The following SLCO4C1 variants were observed in gnomAD, a reference collection of about 807,000 sequenced individuals.
SLCO4C1 encodes the protein organic anion transporter M1.
SLCO4C1 carries 58 observed loss-of-function variants against 72.1 expected under a neutral mutation model. The observed-to-expected ratio is 0.80, with a 90% CI of 0.65 to 1.00. The LOEUF (loss-of-function observed/expected upper bound fraction) is 1.00. SLCO4C1 is among the 50% of genes least tolerant of loss of function. The pLI is 0.00. For missense variants in SLCO4C1, 898 were observed against 857.9 expected (o/e 1.05, Z -0.58); for synonymous variants, 297 against 312.5 (o/e 0.95, Z 0.52).
At chr5:102,244,159 G>A (rs560848755) in intron 10 of SLCO4C1, among the ~76,000 whole-genome samples, 8 of 152,264 alleles carry the variant, frequency 5.3e-5, no homozygotes, top group African/African-American at 1.9e-4. Flanking sequence ...CTGCTCTCCA[G>A]CCTGGGCAAC....
chr5:102,249,243 C>T (rs1334484506), intron 9 of SLCO4C1, among the ~76,000 whole-genome samples: 1 of 151,944 alleles, frequency 6.6e-6, no homozygotes, highest in African/African-American at 2.4e-5. Context: ...GATGCAAAAC[C>T]CATATATACT....
intron 3 of SLCO4C1, among the ~76,000 whole-genome samples, chr5:102,269,730 G>T (rs2600835): frequency 0.75 from 114,504 of 152,014 alleles, 43,187 homozygotes; most frequent in Middle Eastern, 0.84. Context: ...ATTATTGTAT[G>T]TCTTTCAAAG....
chr5:102,285,375 C>A (rs2112396268), intron 2 of SLCO4C1, among the ~76,000 whole-genome samples: 1 of 152,286 alleles, frequency 6.6e-6, no homozygotes, highest in African/African-American at 2.4e-5. Context: ...ACCTCCGCCT[C>A]CTGGGTTCAA....
intron 2 of SLCO4C1, among the ~76,000 whole-genome samples, chr5:102,271,168 A>G (rs1749145926): frequency 6.6e-6 from 1 of 152,018 alleles, no homozygotes; most frequent in Admixed American, 6.6e-5. Flanking sequence ...ATATTCAACA[A>G]TGTCCAGTTT....
At chr5:102,291,199 G>A in intron 2 of SLCO4C1, 144 bp downstream of exon 2, 1 of 831,520 alleles carries the variant, frequency 1.2e-6, no homozygotes, top group Non-Finnish European at 1.9e-6. Flanking sequence ...ATCTCATACA[G>A]TTCACACAAT....
In SLCO4C1 at chr5:102,281,067, A is replaced by G. The variant is rs190881629; in HGVS notation, c.620-10261T>C. On this transcript the variant is annotated intron_variant, in intron 2 of 12. Coordinates refer to ENST00000310954, the MANE Select transcript of SLCO4C1 (RefSeq NM_180991.5). Reference sequence around the variant, plus strand: ...ATGTCTATAGGATTTCAAGACTTATATAAGTATAATAGTCAAGAATGTGAT... The same window carrying G: ...ATGTCTATAGGATTTCAAGACTTATGTAAGTATAATAGTCAAGAATGTGAT... 4.6e-5 allele frequency among the ~76,000 whole-genome samples: 7 copies of G among 152,282 alleles called. No homozygotes were observed. The East Asian group carries it at 1.2e-3, about 25-fold the overall frequency.
chr5:102,249,487 G>C, intron 9 of SLCO4C1, 151 bp downstream of exon 9: 1 of 728,240 alleles, frequency 1.4e-6, no homozygotes, highest in Non-Finnish European at 2.2e-6. Context: ...GAAGGAAAAA[G>C]AATCTATTTC....
rs1748415451 is a variant in SLCO4C1, at chr5:102,235,459, T to G, written c.*1399A>C. On this transcript the variant is annotated 3_prime_UTR_variant, in exon 13 of 13. Coordinates refer to ENST00000310954, the MANE Select transcript of SLCO4C1 (RefSeq NM_180991.5). ...TGTTCACTCATCTATACCCTCCATA[T>G]TCTCAGCAAAGTTGGCATAAATCTG... 1 of 152,244 alleles carries G rather than the reference T, an allele frequency of 6.6e-6. No homozygotes were observed. Among genetic ancestry groups the G allele is most frequent in the African/African-American group, 2.4e-5 (1 of 41,466 alleles). The allele number at this position is 152,244 out of a possible 1,614,324, so 9.4% of individuals were successfully genotyped here. A position where few individuals can be genotyped will look rare whatever the true frequency, so the allele number is the denominator to read the frequency against.
intron 8 of SLCO4C1, among the ~76,000 whole-genome samples, chr5:102,250,217 G>A (rs1357579368): frequency 6.6e-6 from 1 of 152,082 alleles, no homozygotes; most frequent in Non-Finnish European, 1.5e-5. Flanking sequence ...TTTTAAACTT[G>A]GAAGGATGAA....
At chr5:102,265,139 T>G (rs1161345471) in intron 3 of SLCO4C1, among the ~76,000 whole-genome samples, 1 of 152,036 alleles carries the variant, frequency 6.6e-6, no homozygotes, top group Non-Finnish European at 1.5e-5. Context: ...CTATATAGAT[T>G]CTTTGCTTAT....
chr5:102,266,538 T>A (rs1749043218), intron 3 of SLCO4C1, among the ~76,000 whole-genome samples: 1 of 152,006 alleles, frequency 6.6e-6, no homozygotes, highest in African/African-American at 2.4e-5. Flanking sequence ...TAATCCCAGC[T>A]ACTTGGGAGG....
rs534870718 is a variant in SLCO4C1 at position 102,286,689 on chromosome 5, T to C, written c.619+4654A>G. 2.6e-5 allele frequency among the ~76,000 whole-genome samples: 4 copies of C among 152,240 alleles called. No homozygotes were observed. In the South Asian group the frequency reaches 8.3e-4, roughly 32 times the overall value. On this transcript the variant is annotated intron_variant, in intron 2 of 12. Coordinates refer to ENST00000310954, the MANE Select transcript of SLCO4C1 (RefSeq NM_180991.5). The stretch of plus-strand genomic sequence containing the variant: ...GTCCAGTAACAACCACAACTTCCCT[T>C]TGATCATCTCCATTCAAAGTTAATC...
chr5:102,237,299 AC>A (rs1748455634), intron 12 of SLCO4C1, among the ~76,000 whole-genome samples: 1 of 152,294 alleles, frequency 6.6e-6, no homozygotes, highest in South Asian at 2.1e-4. Flanking sequence ...GTTGTATAGA[AC>A]TAAATAGGAA....
chr5:102,271,152 A>G (rs1749145619), intron 2 of SLCO4C1, among the ~76,000 whole-genome samples: 1 of 151,998 alleles, frequency 6.6e-6, no homozygotes, highest in East Asian at 1.9e-4. Flanking sequence ...AAAACATACT[A>G]TCTTTATATT....
intron 11 of SLCO4C1, among the ~76,000 whole-genome samples, 163 bp from the exon 12 acceptor site, chr5:102,239,551 T>C (rs1346861340): frequency 6.6e-6 from 1 of 152,038 alleles, no homozygotes; most frequent in African/African-American, 2.4e-5. Flanking sequence ...ATAAAGCAGA[T>C]ACAATATTCT....
chr5:102,235,462 T>G lies in SLCO4C1; in HGVS notation c.*1396A>C, dbSNP rs527840116. The G allele has an allele frequency of 6.6e-6, 1 of 152,354 alleles. No homozygotes were observed. Among genetic ancestry groups the G allele is most frequent in the South Asian group, 2.1e-4 (1 of 4,832 alleles). 9.4% of individuals were successfully genotyped at this position (152,354 alleles called of 1,614,324 possible). A position where few individuals can be genotyped will look rare whatever the true frequency, so the allele number is the denominator to read the frequency against. On this transcript the variant is annotated 3_prime_UTR_variant, in exon 13 of 13. Coordinates refer to ENST00000310954, the MANE Select transcript of SLCO4C1 (RefSeq NM_180991.5). ...TCACTCATCTATACCCTCCATATTC[T>G]CAGCAAAGTTGGCATAAATCTGACC...
chr5:102,240,930 G>T, intron 10 of SLCO4C1, 148 bp from the exon 11 acceptor site: 1 of 506,308 alleles, frequency 2.0e-6, no homozygotes, highest in East Asian at 3.2e-5. Flanking sequence ...GCTTATAAAT[G>T]GTTTAATCTT....
At chr5:102,237,593 C>T (rs1311557574) in intron 12 of SLCO4C1, among the ~76,000 whole-genome samples, 1 of 152,066 alleles carries the variant, frequency 6.6e-6, no homozygotes, top group Non-Finnish European at 1.5e-5. Context: ...GCCTGGGTGA[C>T]AGACAGAAAC....
At chr5:102,273,970 A>C (rs1433714006) in intron 2 of SLCO4C1, among the ~76,000 whole-genome samples, 5 of 152,164 alleles carry the variant, frequency 3.3e-5, no homozygotes, top group Admixed American at 3.3e-4. Flanking sequence ...ACCACAGATC[A>C]AAAATATTCA....
Sources: gnomAD v4.1 joint callset for allele counts (sites outside exome capture counted in the v4.1 genomes callset) on GRCh38, gnomAD v4.1.1 for gene constraint, MANE v1.5 for transcripts, NCBI Gene and HGNC (gene_info 2026-07-23, HGNC 2026-07-21) for gene names.